The following HUWE1 variants were observed in gnomAD, a reference collection of about 807,000 sequenced individuals.
HUWE1 encodes HECT, UBA and WWE domain containing E3 ubiquitin protein ligase 1.
A neutral mutation model predicts 299.4 loss-of-function variants in HUWE1; 18 were observed. The observed-to-expected ratio is 0.06, with a 90% confidence interval of 0.04 to 0.09. The LOEUF is 0.09. Ranked by LOEUF, HUWE1 falls within the 10% of genes least tolerant of loss-of-function variation. The pLI is 1.00. For missense variants in HUWE1, 1,832 were observed against 3,462.3 expected, an observed-to-expected ratio of 0.53 and a Z score of 11.82; for synonymous variants, 1,317 against 1,286.1, an observed-to-expected ratio of 1.02 and a Z score of -0.51.
intron 29 of HUWE1, among the ~76,000 whole-genome samples, chrX:53,597,549 C>T (rs2148543314): frequency 1.2e-5 from 1 of 86,149 alleles, no homozygotes; most frequent in South Asian, 6.7e-4. Flanking sequence ...TACAAGAAGG[C>T]CTGGGCAACA....
chrX:53,645,732 AAAAAAT>A (rs1408633018), intron 6 of HUWE1, among the ~76,000 whole-genome samples: 3 of 17,746 alleles, frequency 1.7e-4, no homozygotes, highest in Admixed American at 1.1e-3. Flanking sequence ...AAAAAAAAAA[AAAAAAT>A]ATATATATAT....
intron 3 of HUWE1, among the ~76,000 whole-genome samples, chrX:53,672,003 G>T (rs185156461): frequency 1.2e-3 from 135 of 108,276 alleles, no homozygotes; most frequent in African/African-American, 4.4e-3. Flanking sequence ...AATAAATTCT[G>T]CATACAATAG....
At chrX:53,662,868 A>G (rs1295555069) in intron 3 of HUWE1, among the ~76,000 whole-genome samples, 1 of 111,676 alleles carries the variant, frequency 9.0e-6, no homozygotes, top group African/African-American at 3.3e-5. Flanking sequence ...TGGGAGGCTG[A>G]GGGCAGATTC....
At chrX:53,668,445 A>G (rs2069360892) in intron 3 of HUWE1, among the ~76,000 whole-genome samples, 1 of 108,718 alleles carries the variant, frequency 9.2e-6, no homozygotes. Context: ...CCATCTCAAA[A>G]AAAAAAAAAA....
intron 19 of HUWE1, among the ~76,000 whole-genome samples, chrX:53,620,765 A>C: frequency 9.0e-6 from 1 of 111,588 alleles, no homozygotes; most frequent in Admixed American, 9.4e-5. Context: ...TATAATACCC[A>C]AACAGAATCC....
intron 19 of HUWE1, among the ~76,000 whole-genome samples, chrX:53,618,354 A>C (rs1212770036): frequency 9.0e-6 from 1 of 110,834 alleles, no homozygotes; most frequent in Non-Finnish European, 1.9e-5. Context: ...AATTTATTCT[A>C]CAAAGTGTAT....
At chrX:53,633,259 T>C (rs2066987046) in intron 8 of HUWE1, among the ~76,000 whole-genome samples, 1 of 112,417 alleles carries the variant, frequency 8.9e-6, no homozygotes, top group African/African-American at 3.2e-5. Flanking sequence ...AGTGGTTGCC[T>C]CTGGAAAATT....
intron 81 of HUWE1, among the ~76,000 whole-genome samples, chrX:53,535,177 C>T (rs956879692): frequency 2.7e-5 from 3 of 111,719 alleles, no homozygotes; most frequent in East Asian, 2.8e-4. Flanking sequence ...TCAACTGATC[C>T]GCCCACCTTG....
chrX:53,609,520 C>G lies in HUWE1; in HGVS notation c.2262-611G>C, dbSNP rs2065331191. ...AATTGGTATTTGCAGCATGACAGTTCCTGAACTATCAAAAAACTGATCAGG... is the reference window on the plus strand; with the variant it reads ...AATTGGTATTTGCAGCATGACAGTTGCTGAACTATCAAAAAACTGATCAGG... On this transcript the variant is annotated intron_variant, in intron 23 of 83. Coordinates refer to ENST00000262854, the MANE Select transcript of HUWE1 (RefSeq NM_031407.7). 2.7e-5 allele frequency among the ~76,000 whole-genome samples: 3 copies of G among 112,126 alleles called. No individual in the cohort carries two copies. In the Admixed American group the frequency reaches 2.8e-4, roughly 11 times the overall value.
At chrX:53,573,134 CCA>C (rs1185930975) in intron 47 of HUWE1, among the ~76,000 whole-genome samples, 2 of 111,810 alleles carry the variant, frequency 1.8e-5, no homozygotes, top group South Asian at 3.8e-4. Context: ...CTCTCTGACT[CCA>C]GTCTTCCCTC....
chrX:53,557,587 T>G (rs1191605380), intron 59 of HUWE1, among the ~76,000 whole-genome samples, 160 bp from the exon 60 acceptor site: 1 of 111,621 alleles, frequency 9.0e-6, no homozygotes, highest in Non-Finnish European at 1.9e-5. Context: ...CATTTCACTG[T>G]GCAAATATAT....
At chrX:53,596,121 G>A (rs1483489964) in intron 29 of HUWE1, among the ~76,000 whole-genome samples, 1 of 111,786 alleles carries the variant, frequency 8.9e-6, no homozygotes, top group Admixed American at 9.4e-5. Context: ...AAAAATAAAC[G>A]TTATTTCACG....
In HUWE1 at chrX:53,621,138, T is replaced by C. The variant is rs781907836; in HGVS notation, c.1672+3457A>G. ...TACAGAGGTATTGAATGGGAGACTA[T>C]TGCAGGATATGGGATGGCAATGCCT... On this transcript the variant is annotated intron_variant, in intron 19 of 83. Transcript: ENST00000262854. 2.7e-5 allele frequency among the ~76,000 whole-genome samples: 3 copies of C among 111,787 alleles called. No homozygotes were observed. The South Asian group carries it at 1.1e-3, about 42-fold the overall frequency.
chrX:53,644,021 G>A (rs1264940906), intron 7 of HUWE1, among the ~76,000 whole-genome samples: 2 of 109,870 alleles, frequency 1.8e-5, no homozygotes, highest in African/African-American at 3.3e-5. Flanking sequence ...ACGGGATTTC[G>A]CCATGTTGCC....
intron 5 of HUWE1, 44 bp from the exon 6 acceptor site, chrX:53,647,618 C>A: frequency 1.0e-6 from 1 of 978,636 alleles, no homozygotes; most frequent in Non-Finnish European, 1.5e-6. Flanking sequence ...AAGGTAGAAG[C>A]GCCGCATGGG....
At chrX:53,619,489 G>A (rs782585489) in intron 19 of HUWE1, among the ~76,000 whole-genome samples, 62 of 106,346 alleles carry the variant, frequency 5.8e-4, no homozygotes, top group African/African-American at 2.1e-3. Flanking sequence ...GTATATACAC[G>A]CACAGAGCAA....
chrX:53,626,182 A>C (rs1272460325), intron 17 of HUWE1: 2 of 274,175 alleles, frequency 7.3e-6, no homozygotes, highest in Non-Finnish European at 1.3e-5. Flanking sequence ...AAAATATATC[A>C]CTAGTTGCAT....
At chrX:53,587,437 G>T (rs782038534) in intron 37 of HUWE1, among the ~76,000 whole-genome samples, 33 of 112,146 alleles carry the variant, frequency 2.9e-4, no homozygotes, top group Middle Eastern at 9.2e-3. Flanking sequence ...TCAAAAGATG[G>T]ACTAATGTAT....
intron 23 of HUWE1, among the ~76,000 whole-genome samples, chrX:53,614,064 A>G (rs1227403066): frequency 5.4e-5 from 6 of 111,127 alleles, no homozygotes; most frequent in African/African-American, 2.0e-4. Flanking sequence ...CGGGAGTTTG[A>G]GATTAGCCTG....
Sources: allele counts gnomAD v4.1 joint callset (sites outside exome capture counted in the v4.1 genomes callset), GRCh38; gene constraint gnomAD v4.1.1; transcripts MANE v1.5; gene names NCBI Gene and HGNC (gene_info 2026-07-23, HGNC 2026-07-21).